The following PDE11A variants were observed in gnomAD, a reference collection of about 807,000 sequenced individuals.
PDE11A encodes phosphodiesterase 11A, also known as dual 3',5'-cyclic-AMP and -GMP phosphodiesterase 11A.
PDE11A carries 100 observed loss-of-function variants against 100.5 expected under a neutral mutation model. The ratio of observed to expected loss-of-function variants is 1.00; its 90% CI spans 0.85 to 1.18. The LOEUF (loss-of-function observed/expected upper bound fraction) is 1.18, where lower values mean the gene tolerates loss of function less well. Ranked by LOEUF, PDE11A falls within the 50% of genes most tolerant of loss-of-function variation. PDE11A has a pLI of 0.00. For missense variants in PDE11A, 1,141 were observed against 1,152.6 expected (o/e 0.99, Z 0.15); for synonymous variants, 381 against 420.8 (o/e 0.91, Z 1.16).
chr2:177,889,992 T>A (rs888239083), intron 4 of PDE11A, among the ~76,000 whole-genome samples: 2 of 152,090 alleles, frequency 1.3e-5, no homozygotes, highest in African/African-American at 4.8e-5. Context: ...AAATGAATAA[T>A]GGATGGGGAG....
At chr2:177,865,406 G>A (rs541027758) in intron 5 of PDE11A, among the ~76,000 whole-genome samples, 1 of 152,304 alleles carries the variant, frequency 6.6e-6, no homozygotes, top group South Asian at 2.1e-4. Context: ...ATTCTTTGCT[G>A]GTGCGAATGT....
chr2:177,770,011 G>A (rs1237005996), intron 9 of PDE11A, among the ~76,000 whole-genome samples: 1 of 151,878 alleles, frequency 6.6e-6, no homozygotes, highest in Non-Finnish European at 1.5e-5. Flanking sequence ...TGTGCGATCT[G>A]TAGCAAACAC....
At chr2:177,679,880 C>T (rs1051008938) in intron 16 of PDE11A, among the ~76,000 whole-genome samples, 4 of 151,718 alleles carry the variant, frequency 2.6e-5, no homozygotes, top group Admixed American at 2.6e-4. Flanking sequence ...AGTGGAGGGG[C>T]TGGTCTTGAA....
intron 16 of PDE11A, 86 bp downstream of exon 16, chr2:177,680,740 T>C: frequency 2.8e-6 from 2 of 726,196 alleles, no homozygotes; most frequent in Non-Finnish European, 4.9e-6. Context: ...TAAAAATCAC[T>C]TCTATGCTCT....
At chr2:177,775,823 A>C (rs896606012) in intron 9 of PDE11A, among the ~76,000 whole-genome samples, 3 of 152,186 alleles carry the variant, frequency 2.0e-5, no homozygotes, top group African/African-American at 7.2e-5. Context: ...TCTCTGAGTT[A>C]AGTGGCTGTT....
At chr2:177,930,692 A>G (rs565766177) in intron 2 of PDE11A, among the ~76,000 whole-genome samples, 1 of 152,366 alleles carries the variant, frequency 6.6e-6, no homozygotes, top group East Asian at 1.9e-4. Context: ...TGCACTGTGT[A>G]GGACAGCCAC....
chr2:177,890,273 A>C (rs2084508679), intron 4 of PDE11A, among the ~76,000 whole-genome samples: 2 of 152,192 alleles, frequency 1.3e-5, no homozygotes, highest in African/African-American at 4.8e-5. Flanking sequence ...CCTTGTTTCC[A>C]GGATGACTTG....
At chr2:177,847,526 T>C (rs1459233476) in intron 5 of PDE11A, among the ~76,000 whole-genome samples, 1 of 152,178 alleles carries the variant, frequency 6.6e-6, no homozygotes, top group Non-Finnish European at 1.5e-5. Flanking sequence ...GCAAATCAGT[T>C]CATGTCAACT....
At chr2:177,771,084 C>T (rs1408032812) in intron 9 of PDE11A, among the ~76,000 whole-genome samples, 2 of 152,334 alleles carry the variant, frequency 1.3e-5, no homozygotes, top group Admixed American at 1.3e-4. Context: ...CCGCCTCAGC[C>T]TCCCAAAGTG....
rs533943757 is a variant in PDE11A, at chr2:177,922,463, TAAC to T, written c.1072-17279_1072-17277del. Among the ~76,000 whole-genome samples the T allele has an allele frequency of 1.1e-3, 173 of 151,960 alleles. 1 individual carries two copies. Among genetic ancestry groups the T allele is most frequent in the African/African-American group, 3.6e-3 (151 of 41,440 alleles). On this transcript the variant is annotated intron_variant, in intron 2 of 19. Transcript: ENST00000286063. ...ATAATAAAATTAAAAAAAGAATATA[TAAC>T]AACAACAAAAAATAATAATAATAAT...
At chr2:177,876,084 C>T (rs762321412) in intron 4 of PDE11A, among the ~76,000 whole-genome samples, 161 bp from the exon 5 acceptor site, 39 of 151,988 alleles carry the variant, frequency 2.6e-4, no homozygotes, top group Non-Finnish European at 4.9e-4. Context: ...GAGGAGAATC[C>T]CATCCTACAT....
At chr2:178,087,343 G>A (rs2087370677) in intron 2 of PDE11A, among the ~76,000 whole-genome samples, 2 of 143,784 alleles carry the variant, frequency 1.4e-5, no homozygotes, top group Non-Finnish European at 3.0e-5. Context: ...ACTAGAGCAA[G>A]ACTCCAACTC....
At position 177,641,349 on chromosome 2, in the gene PDE11A, T is replaced by C. The variant is rs114031045; in HGVS notation, c.2647-11787A>G. 4.1e-3 allele frequency among the ~76,000 whole-genome samples: 613 copies of C among 149,202 alleles called. 3 individuals are homozygous for C. Among genetic ancestry groups the C allele is most frequent in the African/African-American group, 0.015 (594 of 40,658 alleles). On this transcript the variant is annotated intron_variant, in intron 19 of 19. Coordinates refer to ENST00000286063, the MANE Select transcript of PDE11A (RefSeq NM_016953.4). ...ATGGTACAAAAACAGAACTTTGAAA[T>C]GCCAAAATAATCCCACTAAGTTTTC...
chr2:177,892,637 A>C (rs1449972037), intron 4 of PDE11A, among the ~76,000 whole-genome samples: 1 of 152,220 alleles, frequency 6.6e-6, no homozygotes, highest in Non-Finnish European at 1.5e-5. Flanking sequence ...TTCACCAAGG[A>C]GACATGCACC....
chr2:177,951,771 A>G (rs1216111530), intron 2 of PDE11A, among the ~76,000 whole-genome samples: 2 of 152,174 alleles, frequency 1.3e-5, no homozygotes, highest in African/African-American at 4.8e-5. Context: ...CCTGACAGTA[A>G]ACCCCAGAGG....
At chr2:177,993,280 C>A (rs1416949250) in intron 2 of PDE11A, among the ~76,000 whole-genome samples, 3 of 152,050 alleles carry the variant, frequency 2.0e-5, no homozygotes, top group South Asian at 2.1e-4. Flanking sequence ...AATTGTGTAA[C>A]CTGGAGCAAA....
chr2:177,807,234 A>G (rs1025521863), intron 9 of PDE11A, among the ~76,000 whole-genome samples: 3 of 152,162 alleles, frequency 2.0e-5, no homozygotes, highest in Non-Finnish European at 4.4e-5. Flanking sequence ...ACTAGTAACA[A>G]CGGAAGCCAA....
chr2:177,697,978 T>C (rs1190912480), intron 14 of PDE11A, among the ~76,000 whole-genome samples: 1 of 152,182 alleles, frequency 6.6e-6, no homozygotes, highest in Non-Finnish European at 1.5e-5. Flanking sequence ...TTGTCACAAA[T>C]GGCTAAGGTG....
intron 3 of PDE11A, among the ~76,000 whole-genome samples, chr2:177,901,404 A>T (rs2084696488): frequency 6.6e-6 from 1 of 152,212 alleles, no homozygotes; most frequent in Non-Finnish European, 1.5e-5. Context: ...TGATTTGAGT[A>T]ATAATAAAAC....
Sources: allele counts gnomAD v4.1 joint callset (sites outside exome capture counted in the v4.1 genomes callset), GRCh38; gene constraint gnomAD v4.1.1; transcripts MANE v1.5; gene names NCBI Gene and HGNC (gene_info 2026-07-23, HGNC 2026-07-21).